Variants in RBFOX1 observed in about 807,000 individuals in gnomAD.
The protein encoded by RBFOX1 is RNA binding protein fox-1 homolog 1.
In RBFOX1, 8 loss-of-function variants were observed where a neutral mutation model predicts 57.7. The ratio of observed to expected loss-of-function variants is 0.14; its 90% confidence interval spans 0.08 to 0.25. RBFOX1 has a LOEUF of 0.25. Ranked by LOEUF, RBFOX1 falls within the 10% of genes least tolerant of loss-of-function variation. RBFOX1 has a pLI of 1.00. For synonymous variants in RBFOX1, 326 were observed against 222.4 expected, an observed-to-expected ratio of 1.47 and a Z score of -4.15; for missense variants, 611 against 548.5, an observed-to-expected ratio of 1.11 and a Z score of -1.14.
intron 4 of RBFOX1, among the ~76,000 whole-genome samples, chr16:7,385,763 G>T (rs72771116): frequency 0.39 from 59,336 of 151,442 alleles, 12,865 homozygotes; most frequent in East Asian, 0.58. Flanking sequence ...AAGGTTTTTG[G>T]TTTTTTTCGA....
At chr16:7,277,687 C>A (rs982627240) in intron 4 of RBFOX1, among the ~76,000 whole-genome samples, 2 of 151,962 alleles carry the variant, frequency 1.3e-5, no homozygotes, top group Non-Finnish European at 2.9e-5. Context: ...AGGGCGGATA[C>A]CCATCGAAAA....
intron 3 of RBFOX1, among the ~76,000 whole-genome samples, chr16:5,809,643 T>A (rs1289608439): frequency 2.0e-5 from 3 of 152,168 alleles, no homozygotes; most frequent in Admixed American, 2.0e-4. Flanking sequence ...TCACACCAGT[T>A]TGAATGGCAA....
chr16:5,248,770 C>T (rs145588729), intron 1 of RBFOX1, among the ~76,000 whole-genome samples: 2 of 152,100 alleles, frequency 1.3e-5, no homozygotes, highest in Non-Finnish European at 2.9e-5. Flanking sequence ...TGGGGGATCA[C>T]CTGAGGTCAG....
At chr16:7,056,845 T>A (rs1405607415) in intron 4 of RBFOX1, among the ~76,000 whole-genome samples, 2 of 152,178 alleles carry the variant, frequency 1.3e-5, no homozygotes, top group African/African-American at 4.8e-5. Context: ...TATGGCAATG[T>A]GACTCTATAG....
chr16:7,282,422 A>G (rs1483690177), intron 4 of RBFOX1, among the ~76,000 whole-genome samples: 2 of 152,180 alleles, frequency 1.3e-5, no homozygotes, highest in Non-Finnish European at 2.9e-5. Context: ...GAATCAAAAG[A>G]TATTTCACAA....
chr16:5,538,985 G>A (rs1239400207), intron 2 of RBFOX1, among the ~76,000 whole-genome samples: 1 of 152,152 alleles, frequency 6.6e-6, no homozygotes, highest in Non-Finnish European at 1.5e-5. Context: ...ATAGCAGCAC[G>A]GCTCCCACAC....
intron 3 of RBFOX1, among the ~76,000 whole-genome samples, chr16:6,687,980 C>G (rs546635517): frequency 6.6e-6 from 1 of 152,332 alleles, no homozygotes; most frequent in African/African-American, 2.4e-5. Context: ...CTAACAAAAC[C>G]ACTCTTGGAA....
chr16:6,876,656 A>T (rs2061903323), intron 3 of RBFOX1, among the ~76,000 whole-genome samples: 1 of 152,122 alleles, frequency 6.6e-6, no homozygotes, highest in South Asian at 2.1e-4. Flanking sequence ...TACATTTCTC[A>T]CCTAGGGTTC....
chr16:6,929,354 G>C (rs2076142649), intron 3 of RBFOX1, among the ~76,000 whole-genome samples: 1 of 152,152 alleles, frequency 6.6e-6, no homozygotes, highest in Non-Finnish European at 1.5e-5. Flanking sequence ...ATATAGGCAA[G>C]GTTAGAATCC....
intron 3 of RBFOX1, among the ~76,000 whole-genome samples, chr16:5,804,436 G>C (rs17792436): frequency 0.36 from 54,205 of 152,070 alleles, 11,136 homozygotes; most frequent in South Asian, 0.51. Context: ...AGAAAACAAG[G>C]TATCCTGTTC....
At chr16:5,733,395 G>A (rs2052453984) in intron 3 of RBFOX1, among the ~76,000 whole-genome samples, 1 of 152,164 alleles carries the variant, frequency 6.6e-6, no homozygotes, top group Non-Finnish European at 1.5e-5. Context: ...GATTCACATT[G>A]CCAGGTGATC....
chr16:7,663,332 A>G (rs2068271115), intron 12 of RBFOX1, among the ~76,000 whole-genome samples: 1 of 152,210 alleles, frequency 6.6e-6, no homozygotes, highest in African/African-American at 2.4e-5. Context: ...TCAAATATGA[A>G]CAACAGCTGA....
At chr16:6,977,222 A>G (rs1285611410) in intron 3 of RBFOX1, among the ~76,000 whole-genome samples, 1 of 147,042 alleles carries the variant, frequency 6.8e-6, no homozygotes, top group African/African-American at 2.5e-5. Context: ...ATATTATCAT[A>G]TAATCATATA....
At chr16:7,439,322 G>A (rs1431728184) in intron 4 of RBFOX1, among the ~76,000 whole-genome samples, 3 of 150,852 alleles carry the variant, frequency 2.0e-5, no homozygotes, top group East Asian at 1.9e-4. Flanking sequence ...TTCATGGAAC[G>A]TCATGAGTCT....
intron 4 of RBFOX1, among the ~76,000 whole-genome samples, chr16:5,988,331 A>G (rs140885931): frequency 3.3e-5 from 5 of 152,376 alleles, no homozygotes; most frequent in East Asian, 1.9e-4. Flanking sequence ...AATAAATGCA[A>G]TAAGGAGTTG....
intron 4 of RBFOX1, among the ~76,000 whole-genome samples, chr16:7,409,045 C>A (rs1028106152): frequency 6.6e-6 from 1 of 152,198 alleles, no homozygotes; most frequent in African/African-American, 2.4e-5. Flanking sequence ...TGTCTAAATG[C>A]ACTGCAAAGA....
intron 4 of RBFOX1, among the ~76,000 whole-genome samples, chr16:7,381,351 T>C (rs1334634065): frequency 1.3e-5 from 2 of 152,198 alleles, no homozygotes; most frequent in Non-Finnish European, 2.9e-5. Context: ...GGTATAGTAC[T>C]ATAAGTAATT....
intron 3 of RBFOX1, among the ~76,000 whole-genome samples, chr16:6,779,445 C>G (rs1182834585): frequency 6.6e-6 from 1 of 151,762 alleles, no homozygotes; most frequent in Non-Finnish European, 1.5e-5. Flanking sequence ...GATTTCATAA[C>G]TTGGCTGTTG....
chr16:6,029,489 C>T (rs540816630), intron 1 of RBFOX1, among the ~76,000 whole-genome samples: 1 of 152,130 alleles, frequency 6.6e-6, no homozygotes, highest in Non-Finnish European at 1.5e-5. Flanking sequence ...GAAAGAAAAA[C>T]ATGGCCGGGC....
Sources: allele counts gnomAD v4.1 joint callset (sites outside exome capture counted in the v4.1 genomes callset), GRCh38; gene constraint gnomAD v4.1.1; transcripts MANE v1.5; gene names NCBI Gene and HGNC (gene_info 2026-07-23, HGNC 2026-07-21).